The following TCF7L2 variants were observed in gnomAD, a reference collection of about 807,000 sequenced individuals.
TCF7L2 encodes transcription factor 7-like 2.
In TCF7L2, 23 loss-of-function variants were observed where a neutral mutation model predicts 77.9. The observed-to-expected ratio is 0.30, with a 90% CI of 0.21 to 0.42. TCF7L2 has a LOEUF of 0.42. Ranked by LOEUF, TCF7L2 falls within the 10% of genes least tolerant of loss-of-function variation. The pLI, the probability that TCF7L2 is intolerant of heterozygous loss-of-function variation, is 1.00. For synonymous variants in TCF7L2, 413 were observed against 340.2 expected (o/e 1.21, Z -2.36); for missense variants, 654 against 793.1 (o/e 0.82, Z 2.11).
At chr10:113,027,637 G>A (rs1369209529) in intron 4 of TCF7L2, among the ~76,000 whole-genome samples, 1 of 152,186 alleles carries the variant, frequency 6.6e-6, no homozygotes, top group Non-Finnish European at 1.5e-5. Flanking sequence ...TTCCCCAAAT[G>A]AGGTTATTGT....
intron 4 of TCF7L2, among the ~76,000 whole-genome samples, chr10:112,990,513 C>A (rs1431147046): frequency 6.6e-6 from 1 of 151,712 alleles, no homozygotes; most frequent in Non-Finnish European, 1.5e-5. Flanking sequence ...TCGAGACCAG[C>A]CTAGACAACA....
At chr10:113,148,318 C>T (rs1014767097) in intron 8 of TCF7L2, among the ~76,000 whole-genome samples, 10 of 152,208 alleles carry the variant, frequency 6.6e-5, no homozygotes, top group African/African-American at 1.4e-4. Context: ...TGAAATCTGC[C>T]GGCTTCAAAG....
intron 5 of TCF7L2, among the ~76,000 whole-genome samples, chr10:113,089,069 G>T (rs1347255118): frequency 6.6e-6 from 1 of 152,164 alleles, no homozygotes; most frequent in Non-Finnish European, 1.5e-5. Context: ...GGTAAGTTGA[G>T]AGAGAAAATG....
intron 5 of TCF7L2, among the ~76,000 whole-genome samples, chr10:113,138,129 C>T (rs1425373996): frequency 6.6e-6 from 1 of 152,172 alleles, no homozygotes; most frequent in Non-Finnish European, 1.5e-5. Context: ...TCTGTTCTTT[C>T]ACAGGGACCT....
chr10:112,967,152 G>C (rs142968970), intron 4 of TCF7L2, among the ~76,000 whole-genome samples: 1 of 152,222 alleles, frequency 6.6e-6, no homozygotes, highest in Non-Finnish European at 1.5e-5. Context: ...TTTCGCTCTG[G>C]ATGTGGCATA....
At chr10:112,986,797 A>G (rs1427491720) in intron 4 of TCF7L2, among the ~76,000 whole-genome samples, 2 of 151,900 alleles carry the variant, frequency 1.3e-5, no homozygotes, top group East Asian at 3.9e-4. Flanking sequence ...AGCTGCACTC[A>G]CCTCCGTCTC....
chr10:113,101,629 T>G (rs1260408913), intron 5 of TCF7L2, among the ~76,000 whole-genome samples: 3 of 150,702 alleles, frequency 2.0e-5, no homozygotes, highest in Non-Finnish European at 4.4e-5. Flanking sequence ...GATCACAAGG[T>G]CAGGAGATCG....
intron 8 of TCF7L2, among the ~76,000 whole-genome samples, chr10:113,148,640 A>T (rs1169997254): frequency 6.6e-6 from 1 of 152,220 alleles, no homozygotes; most frequent in African/African-American, 2.4e-5. Flanking sequence ...GTTCATCATT[A>T]TATTCTGGCT....
intron 4 of TCF7L2, among the ~76,000 whole-genome samples, chr10:112,974,342 G>GA (rs989679110): frequency 3.9e-5 from 6 of 152,144 alleles, no homozygotes; most frequent in African/African-American, 1.2e-4. Flanking sequence ...CTACCAGAAA[G>GA]AAAAAAACAA....
intron 4 of TCF7L2, among the ~76,000 whole-genome samples, chr10:112,973,165 C>G (rs1412635574): frequency 6.6e-6 from 1 of 152,134 alleles, no homozygotes; most frequent in African/African-American, 2.4e-5. Context: ...CTGGAGGGCA[C>G]CCGGAGAGCA....
At position 113,087,621 on chromosome 10, in the gene TCF7L2, C is replaced by T. The variant is rs117087132; in HGVS notation, c.552+47495C>T. On this transcript the variant is annotated intron_variant, in intron 5 of 13. Coordinates refer to ENST00000627217, the MANE Select transcript of TCF7L2 (RefSeq NM_001146274.2). ...AGAGTGGGAGGCTCTGCTTGCCAGA[C>T]GGAGACCTTAGACCTCCAGGGGTGG... is the stretch of plus-strand genomic sequence containing the variant. Among the ~76,000 whole-genome samples, 25 of 152,338 alleles carry T rather than the reference C, an allele frequency of 1.6e-4. No individual in the cohort carries two copies. The East Asian group carries it at 4.1e-3, about 25-fold the overall frequency.
intron 4 of TCF7L2, among the ~76,000 whole-genome samples, chr10:112,972,219 CTTATT>C (rs2038433698): frequency 1.3e-5 from 2 of 152,122 alleles, no homozygotes; most frequent in Non-Finnish European, 2.9e-5. Flanking sequence ...ATAATATTTT[CTTATT>C]TTGAATGAGA....
intron 3 of TCF7L2, among the ~76,000 whole-genome samples, chr10:112,960,843 A>G (rs2034904772): frequency 6.6e-6 from 1 of 151,808 alleles, no homozygotes; most frequent in Non-Finnish European, 1.5e-5. Flanking sequence ...GCACACCACC[A>G]TGCTGGGCTA....
At chr10:113,031,318 A>G (rs1273621444) in intron 4 of TCF7L2, among the ~76,000 whole-genome samples, 1 of 152,210 alleles carries the variant, frequency 6.6e-6, no homozygotes, top group Non-Finnish European at 1.5e-5. Flanking sequence ...ACACTGCCCT[A>G]GCACTGATAG....
At chr10:113,118,278 G>A (rs1305452717) in intron 5 of TCF7L2, among the ~76,000 whole-genome samples, 2 of 152,176 alleles carry the variant, frequency 1.3e-5, no homozygotes, top group Non-Finnish European at 2.9e-5. Flanking sequence ...CTCTGGCTTG[G>A]ACTATTTGGA....
In TCF7L2 at chr10:113,152,401, T is replaced by C. The variant is rs1564971103; in HGVS notation, c.1230T>C (p.His410=). 8.7e-6 allele frequency: 14 copies of C among 1,614,208 alleles called. No individual in the cohort carries two copies. The highest frequency in any genetic ancestry group is 1.1e-5 in the Non-Finnish European group (13 of 1,180,038). Residue 410 remains histidine, a synonymous_variant, in exon 11 of 14, where the codon CAT becomes CAC. Transcript: ENST00000627217. ...TGGCCCGGAAGGAGCGACAGCTTCA[T>C]ATGCAACTGTACCCCGGCTGGTCCG...
chr10:113,037,888 T>C (rs938515108), intron 4 of TCF7L2, among the ~76,000 whole-genome samples: 31 of 152,198 alleles, frequency 2.0e-4, no homozygotes, highest in Admixed American at 9.2e-4. Context: ...TTGGTGGGTG[T>C]CCATTTTGGT....
At chr10:112,986,306 T>A (rs1478990512) in intron 4 of TCF7L2, among the ~76,000 whole-genome samples, 2 of 152,194 alleles carry the variant, frequency 1.3e-5, no homozygotes, top group African/African-American at 2.4e-5. Context: ...TTCTTTGAGC[T>A]TGTTTCGCTC....
intron 5 of TCF7L2, among the ~76,000 whole-genome samples, chr10:113,068,757 C>T (rs988224080): frequency 2.0e-5 from 3 of 152,084 alleles, no homozygotes; most frequent in African/African-American, 4.8e-5. Context: ...TCGTCCCGTC[C>T]GCAGGCCCCC....
Sources: gnomAD v4.1 joint callset for allele counts (sites outside exome capture counted in the v4.1 genomes callset) on GRCh38, gnomAD v4.1.1 for gene constraint, MANE v1.5 for transcripts, NCBI Gene and HGNC (gene_info 2026-07-23, HGNC 2026-07-21) for gene names.